The following PVT1 variants were observed in gnomAD, a reference collection of about 807,000 sequenced individuals.
PVT1 encodes CXCR4/PVT1 fusion.
intron 3 of PVT1, among the ~76,000 whole-genome samples, chr8:127,907,154 A>G (rs987703425): frequency 6.6e-6 from 1 of 151,896 alleles, no homozygotes; most frequent in African/African-American, 2.4e-5. Flanking sequence ...TTTTTGGTAG[A>G]GACGGGGTTT....
At chr8:127,968,859 G>A (rs1816732331) in intron 3 of PVT1, among the ~76,000 whole-genome samples, 1 of 151,970 alleles carries the variant, frequency 6.6e-6, no homozygotes, top group African/African-American at 2.4e-5. Context: ...GAGATTAGAG[G>A]GATACAGCAC....
At chr8:128,084,407 T>C (rs748941404) in intron 5 of PVT1, among the ~76,000 whole-genome samples, 10 of 152,216 alleles carry the variant, frequency 6.6e-5, no homozygotes, top group Admixed American at 1.3e-4. Context: ...TCTGCTCAGA[T>C]GTCAACTCTC....
At chr8:127,843,072 T>C (rs989464485) in intron 2 of PVT1, among the ~76,000 whole-genome samples, 2 of 152,126 alleles carry the variant, frequency 1.3e-5, no homozygotes, top group Admixed American at 6.5e-5. Flanking sequence ...AATAGTGATA[T>C]GGGCTGGGCA....
intron 4 of PVT1, among the ~76,000 whole-genome samples, chr8:128,051,558 C>T (rs368646183): frequency 8.5e-5 from 13 of 152,254 alleles, no homozygotes; most frequent in African/African-American, 4.8e-5. Context: ...TTTTATTCCT[C>T]CTCTTGAGTT....
chr8:127,837,513 C>A (rs1450820698), intron 2 of PVT1, among the ~76,000 whole-genome samples: 1 of 150,506 alleles, frequency 6.6e-6, no homozygotes, highest in Admixed American at 6.6e-5. Flanking sequence ...TATTGTTTTT[C>A]GGAGGCTGTA....
intron 3 of PVT1, among the ~76,000 whole-genome samples, chr8:127,895,283 C>T (rs913659636): frequency 6.6e-6 from 1 of 152,104 alleles, no homozygotes; most frequent in African/African-American, 2.4e-5. Flanking sequence ...CCAGCCTAAC[C>T]AACATAGCGA....
At chr8:127,801,228 G>A (rs181618422) in intron 2 of PVT1, among the ~76,000 whole-genome samples, 169 of 152,178 alleles carry the variant, frequency 1.1e-3, no homozygotes, top group African/African-American at 3.8e-3. Context: ...GAGCCCTTGC[G>A]GTGTTTTTTG....
intron 2 of PVT1, among the ~76,000 whole-genome samples, chr8:127,829,021 C>T (rs1313357693): frequency 1.3e-5 from 2 of 152,080 alleles, no homozygotes; most frequent in Non-Finnish European, 2.9e-5. Flanking sequence ...GAGCCTGGCG[C>T]GGTGGCTCAC....
At chr8:128,004,140 AG>A (rs1267921394) in intron 4 of PVT1, among the ~76,000 whole-genome samples, 1 of 152,200 alleles carries the variant, frequency 6.6e-6, no homozygotes, top group Non-Finnish European at 1.5e-5. Flanking sequence ...AAGTCACCTT[AG>A]GGGTTGGGAC....
At chr8:127,997,004 A>G (rs1304572857) in intron 4 of PVT1, among the ~76,000 whole-genome samples, 1 of 140,266 alleles carries the variant, frequency 7.1e-6, no homozygotes, top group East Asian at 2.2e-4. Context: ...AGCTCTACCC[A>G]TGGGCACTGA....
At chr8:127,902,615 T>C (rs1430861909) in intron 3 of PVT1, among the ~76,000 whole-genome samples, 1 of 152,100 alleles carries the variant, frequency 6.6e-6, no homozygotes, top group Admixed American at 6.5e-5. Context: ...GCCCTCAGCA[T>C]CTATTGTTCC....
chr8:128,083,357 T>C (rs894090356), intron 5 of PVT1, among the ~76,000 whole-genome samples: 7 of 152,224 alleles, frequency 4.6e-5, no homozygotes, highest in African/African-American at 1.7e-4. Context: ...TGGGTTTGCA[T>C]CTTGATCCCA....
chr8:127,839,917 C>T (rs1814953819), intron 2 of PVT1, among the ~76,000 whole-genome samples: 3 of 152,214 alleles, frequency 2.0e-5, no homozygotes, highest in Non-Finnish European at 2.9e-5. Context: ...TTCTTCTGCC[C>T]TCTGACCTCC....
At position 127,842,141 on chromosome 8, in the gene PVT1, A is replaced by G. The variant is rs976663067; in HGVS notation, n.372+46070A>G. On this transcript the variant is annotated intron_variant and non_coding_transcript_variant, in intron 2 of 10. Coordinates refer to ENST00000651587, the Ensembl canonical transcript of PVT1. Reference sequence around the variant, plus strand: ...GGCCCATTTAAACTTTTGCAGAAATAGTTTTTTGAATCCATGGATTTAATG... The same window carrying G: ...GGCCCATTTAAACTTTTGCAGAAATGGTTTTTTGAATCCATGGATTTAATG... Among the ~76,000 whole-genome samples, 14 of 151,638 alleles carry G rather than the reference A, an allele frequency of 9.2e-5. No individual in the cohort carries two copies. In the East Asian group the frequency reaches 2.5e-3, roughly 27 times the overall value.
At position 127,898,296 on chromosome 8, in the gene PVT1, T is replaced by TAAAATAATGTAAAGAAAG. The variant is rs922205762; in HGVS notation, n.782+7321_782+7338dup. On this transcript the variant is annotated intron_variant and non_coding_transcript_variant, in intron 3 of 10. Transcript: ENST00000651587. This position sits in a 1 kb window ranked among gnomAD's most constrained non-coding sequence, Gnocchi z 4.4. Reference sequence around the variant, plus strand: ...AAAGAAATAAAAGGCTGTAAAGAAATAAAATAATGTAAAGAAAGAAAATAA... The same window carrying TAAAATAATGTAAAGAAAG: ...AAAGAAATAAAAGGCTGTAAAGAAATAAAATAATGTAAAGAAAGAAAATAATGTAAAGAAAGAAAATAA... 6.6e-6 allele frequency among the ~76,000 whole-genome samples: 1 copy of TAAAATAATGTAAAGAAAG among 151,248 alleles called. No individual in the cohort carries two copies. Among genetic ancestry groups the TAAAATAATGTAAAGAAAG allele is most frequent in the Non-Finnish European group, 1.5e-5 (1 of 67,730 alleles).
Position 127,987,766 on chromosome 8 carries a change from T to C in PVT1, n.783-1396T>C, listed in dbSNP as rs117908560. On this transcript the variant is annotated intron_variant and non_coding_transcript_variant, in intron 3 of 10. Transcript: ENST00000651587. ...ACCGTCAACCAAGAGGCTGTGCCTCTGCCCTTTTTGGGTAACGAAGCAAAT... is the reference window on the plus strand; with the variant it reads ...ACCGTCAACCAAGAGGCTGTGCCTCCGCCCTTTTTGGGTAACGAAGCAAAT... Among the ~76,000 whole-genome samples, 397 of 152,282 alleles carry C rather than the reference T, an allele frequency of 2.6e-3. 10 individuals are homozygous for C. The East Asian group carries it at 0.063, about 24-fold the overall frequency.
Position 127,866,912 on chromosome 8 carries a change from C to T in PVT1, n.373-23677C>T, listed in dbSNP as rs1815291940. The stretch of plus-strand genomic sequence containing the variant: ...CCTTGGGCCGTGTTAGAGGAAGGCT[C>T]CTTGTGCCTGTGAGGAGTTTGCACT... On this transcript the variant is annotated intron_variant and non_coding_transcript_variant, in intron 2 of 10. Coordinates refer to ENST00000651587, the Ensembl canonical transcript of PVT1. 2.0e-5 allele frequency among the ~76,000 whole-genome samples: 3 copies of T among 152,146 alleles called. No individual in the cohort carries two copies. In the South Asian group the frequency reaches 6.2e-4, roughly 32 times the overall value.
At chr8:128,020,385 C>T (rs1020200417) in intron 4 of PVT1, among the ~76,000 whole-genome samples, 4 of 152,164 alleles carry the variant, frequency 2.6e-5, no homozygotes, top group Non-Finnish European at 5.9e-5. Flanking sequence ...GAGGTTTTCT[C>T]CGACTGTGAT....
intron 3 of PVT1, among the ~76,000 whole-genome samples, chr8:127,892,267 G>A (rs1191393368): frequency 6.6e-6 from 1 of 152,178 alleles, no homozygotes; most frequent in Admixed American, 6.5e-5. Context: ...ATTCATATGT[G>A]CAATTTACTG....
Sources: allele counts gnomAD v4.1 joint callset (sites outside exome capture counted in the v4.1 genomes callset), GRCh38; gene constraint gnomAD v4.1.1; non-coding constraint Gnocchi (gnomAD v3.1); transcripts MANE v1.5; gene names NCBI Gene and HGNC (gene_info 2026-07-23, HGNC 2026-07-21).